Variants in OR4F15 observed in about 807,000 individuals in gnomAD.
The protein encoded by OR4F15 is olfactory receptor family 4 subfamily F member 15.
OR4F15 carries 7 observed loss-of-function variants against 11.9 expected under a neutral mutation model. The observed-to-expected ratio is 0.59, with a 90% CI of 0.33 to 1.10. The LOEUF (loss-of-function observed/expected upper bound fraction) is 1.10. Among genes scored for constraint, OR4F15 ranks in the 50% least tolerant of loss-of-function variants. The probability of loss-of-function intolerance (pLI) is 0.03; values close to 1 mark genes in which losing one functional copy is unlikely to be tolerated. For missense variants in OR4F15, 445 were observed against 377.5 expected, an observed-to-expected ratio of 1.18 and a Z score of -1.48; for synonymous variants, 151 against 134.6, an observed-to-expected ratio of 1.12 and a Z score of -0.84.
Position 101,813,275 on chromosome 15 carries a change from G to A in OR4F15, c.-38+1003G>A, listed in dbSNP as rs114974795. Among the ~76,000 whole-genome samples the A allele has an allele frequency of 2.9e-3, 436 of 152,244 alleles. 3 individuals are homozygous for A. The highest frequency in any genetic ancestry group is 7.4e-3 in the African/African-American group (308 of 41,552). ...TGTAATCCCAGCACTTTGGGAGGCC[G>A]AGGTGGACAGATCAGTTGAGTGCAG... On this transcript the variant is annotated intron_variant, in intron 1 of 1. Transcript: ENST00000332238.
chr15:101,813,080 A>T (rs1375908771), intron 1 of OR4F15, among the ~76,000 whole-genome samples: 2 of 152,234 alleles, frequency 1.3e-5, no homozygotes, highest in Admixed American at 6.5e-5. Context: ...CATCAAGGAT[A>T]TTAAGCACTT....
intron 1 of OR4F15, among the ~76,000 whole-genome samples, chr15:101,815,341 C>A (rs1234900815): frequency 6.6e-6 from 1 of 152,096 alleles, no homozygotes; most frequent in Non-Finnish European, 1.5e-5. Context: ...ATCTCCCCAG[C>A]ATTGTTTTTG....
intron 1 of OR4F15, among the ~76,000 whole-genome samples, chr15:101,814,481 A>G (rs575467048): frequency 1.3e-5 from 2 of 152,300 alleles, no homozygotes; most frequent in South Asian, 2.1e-4. Flanking sequence ...GGACTTTAGT[A>G]TCTTAACCTA....
intron 1 of OR4F15, among the ~76,000 whole-genome samples, chr15:101,812,557 A>T (rs1015853555): frequency 1.2e-4 from 19 of 152,286 alleles, no homozygotes; most frequent in Admixed American, 8.5e-4. Flanking sequence ...CTGAAAATGA[A>T]GACAAACATG....
Position 101,818,499 on chromosome 15 carries a change from C to T in OR4F15, c.313C>T (p.His105Tyr). 1 of 1,614,136 alleles carries T rather than the reference C, an allele frequency of 6.2e-7. No homozygotes were observed. The change falls in exon 2 of 2, where the codon CAT (histidine) becomes TAT (tyrosine). Residue 105 changes from histidine (H) to tyrosine (Y), a missense_variant. His to Tyr is a moderately conservative substitution (Grantham distance 83, BLOSUM62 2). Transcript: ENST00000332238. ...RGCITQIFFS[H>Y]ALGGTEMVLL... is the part of the protein sequence containing the mutation. The stretch of plus-strand genomic sequence containing the variant: ...ATGTATTACTCAGATCTTCTTTAGC[C>T]ATGCTCTTGGGGGCACTGAGATGGT...
intron 1 of OR4F15, among the ~76,000 whole-genome samples, chr15:101,817,563 G>A (rs544872707): frequency 1.2e-4 from 18 of 152,248 alleles, no homozygotes; most frequent in African/African-American, 3.6e-4. Flanking sequence ...CTAATGGTGC[G>A]ATGAGAATAC....
chr15:101,819,121 T>G lies in OR4F15; in HGVS notation c.935T>G (p.Leu312Trp). 1 of 1,590,822 alleles carries G rather than the reference T, an allele frequency of 6.3e-7. No individual in the cohort carries two copies. Among genetic ancestry groups the G allele is most frequent in the Non-Finnish European group, 8.6e-7 (1 of 1,165,628 alleles). Residue 312 changes from leucine to tryptophan, a missense_variant, in exon 2 of 2, where the codon TTG becomes TGG. Coordinates refer to ENST00000332238, the MANE Select transcript of OR4F15 (RefSeq NM_001001674.2). ...CGTCTTGCGCATTTTACAAAGATTT[T>G]GTAAATGGCTTGGCTGTCAAGATGT... is the stretch of plus-strand genomic sequence containing the variant. ...CSRLAHFTKI[L>W] is the part of the protein sequence containing the mutation.
rs779146549 is a variant in OR4F15 at position 101,818,801 on chromosome 15, C to T, written c.615C>T (p.Leu205=). The T allele has an allele frequency of 1.2e-6, 2 of 1,614,132 alleles. No individual in the cohort carries two copies. The highest frequency in any genetic ancestry group is 1.7e-6 in the Non-Finnish European group (2 of 1,180,006). The stretch of plus-strand genomic sequence containing the variant: ...TCATGGTCACTGTCAATAGTGGACT[C>T]ATTTCTGTGGGCTCCTTTGTCTTGC... ...LEFMVTVNSG[L]ISVGSFVLLV... is the part of the protein sequence containing the mutation. Residue 205 remains leucine (L), a synonymous_variant, in exon 2 of 2, where the codon CTC becomes CTT. Coordinates refer to ENST00000332238, the MANE Select transcript of OR4F15 (RefSeq NM_001001674.2).
intron 1 of OR4F15, 36 bp from the exon 2 acceptor site, chr15:101,818,114 C>A: frequency 1.0e-6 from 1 of 954,260 alleles, no homozygotes; most frequent in Non-Finnish European, 1.6e-6. Flanking sequence ...GAATACTTGC[C>A]TAGGTAATTC....
At chr15:101,815,834 A>G (rs1596373352) in intron 1 of OR4F15, among the ~76,000 whole-genome samples, 3 of 152,180 alleles carry the variant, frequency 2.0e-5, no homozygotes, top group Admixed American at 2.0e-4. Flanking sequence ...TTTAAAGAAC[A>G]TGTTGGTTGA....
At chr15:101,814,339 A>G (rs760314495) in intron 1 of OR4F15, among the ~76,000 whole-genome samples, 2 of 152,118 alleles carry the variant, frequency 1.3e-5, no homozygotes, top group Admixed American at 6.5e-5. Context: ...AAAATGGATC[A>G]CTTATTTCTT....
intron 1 of OR4F15, among the ~76,000 whole-genome samples, chr15:101,815,444 C>T (rs1395939815): frequency 4.0e-5 from 6 of 151,838 alleles, no homozygotes; most frequent in Non-Finnish European, 5.9e-5. Flanking sequence ...TAAAACCAAT[C>T]GTATTTATTG....
chr15:101,813,248 C>T (rs1011124742), intron 1 of OR4F15, among the ~76,000 whole-genome samples: 2 of 152,122 alleles, frequency 1.3e-5, no homozygotes, highest in East Asian at 3.8e-4. Flanking sequence ...TGGCTCATCA[C>T]CTGTAATCCC....
chr15:101,818,939 TG>T lies in OR4F15; in HGVS notation c.756del (p.Pro253HisfsTer2), dbSNP rs1488573107. 2.5e-6 allele frequency: 4 copies of T among 1,614,074 alleles called. No homozygotes were observed. The highest frequency in any genetic ancestry group is 3.4e-6 in the Non-Finnish European group (4 of 1,180,030). ...AHVTVVILFF[G>X]PLMFFYTWPS... ...ATGTCACTGTGGTCATCTTGTTCTT[TG>T]GGCCACTGATGTTTTTCTACACATG... On this transcript the variant is annotated frameshift_variant, in exon 2 of 2. Transcript: ENST00000332238. LOFTEE classifies it high-confidence loss of function.
chr15:101,818,040 T>C (rs1903020670), intron 1 of OR4F15, 110 bp from the exon 2 acceptor site: 1 of 633,152 alleles, frequency 1.6e-6, no homozygotes, highest in African/African-American at 1.8e-5. Flanking sequence ...TGAGGGTTAT[T>C]TGGCTGTGTA....
Position 101,819,223 on chromosome 15 carries a change from T to A in OR4F15, c.*98T>A. 2.7e-6 allele frequency: 2 copies of A among 748,308 alleles called. No homozygotes were observed. The highest frequency in any genetic ancestry group is 2.1e-6 in the Non-Finnish European group (1 of 465,504). The allele number at this position is 748,308 out of a possible 1,614,324, so 46.4% of individuals were successfully genotyped here. A position where few individuals can be genotyped will look rare whatever the true frequency, so the allele number is the denominator to read the frequency against. ...AGAGAAATACTGAAGACTCAGGCCA[T>A]ACTATATGCCTGAAAATTTATGAAA... On this transcript the variant is annotated 3_prime_UTR_variant, in exon 2 of 2. Coordinates refer to ENST00000332238, the MANE Select transcript of OR4F15 (RefSeq NM_001001674.2).
At chr15:101,816,398 CTTGATTTTAGCTCTGAAAACTCATTTTA>C (rs1242500079) in intron 1 of OR4F15, among the ~76,000 whole-genome samples, 6 of 152,076 alleles carry the variant, frequency 3.9e-5, no homozygotes, top group East Asian at 1.9e-4. Context: ...CTGTTGACAC[CTTGATTTTAGCTCTGAAAACTCATTTTA>C]TTGATTTTAG....
chr15:101,818,311 A>G lies in OR4F15; in HGVS notation c.125A>G (p.Asn42Ser). 1.2e-6 allele frequency: 2 copies of G among 1,613,882 alleles called. No homozygotes were observed. The highest frequency in any genetic ancestry group is 8.5e-7 in the Non-Finnish European group (1 of 1,179,938). ...LLFYFASMMG[N>S]LVIVFTVTMD... The stretch of plus-strand genomic sequence containing the variant: ...TTCTACTTTGCGAGCATGATGGGAA[A>G]CCTTGTCATTGTATTCACTGTAACC... Residue 42 changes from asparagine to serine, a missense_variant, in exon 2 of 2, where the codon AAC becomes AGC. Physicochemically the swap from Asn to Ser is conservative, Grantham distance 46. Transcript: ENST00000332238.
At position 101,819,009 on chromosome 15, in the gene OR4F15, G is replaced by A. The variant is rs184571892; in HGVS notation, c.823G>A (p.Asp275Asn). ...SHLDKYLAIF[D>N]AFITPFLNPV... ...CCTGGATAAATATCTTGCTATTTTT[G>A]ATGCATTTATTACTCCTTTTCTGAA... The change falls in exon 2 of 2, where the codon GAT becomes AAT. Residue 275 changes from aspartate (D) to asparagine (N), a missense_variant. By Grantham distance (23) the Asp-to-Asn change is conservative. Coordinates refer to ENST00000332238, the MANE Select transcript of OR4F15 (RefSeq NM_001001674.2). 4.5e-5 allele frequency: 72 copies of A among 1,614,012 alleles called. No homozygotes were observed. The highest frequency in any genetic ancestry group is 3.6e-5 in the Non-Finnish European group (43 of 1,179,932).
Sources: gnomAD v4.1 joint callset for allele counts (sites outside exome capture counted in the v4.1 genomes callset) on GRCh38, gnomAD v4.1.1 for gene constraint, MANE v1.5 for transcripts, NCBI Gene and HGNC (gene_info 2026-07-23, HGNC 2026-07-21) for gene names.